The following NPRL3 variants were observed in gnomAD, a reference collection of about 807,000 sequenced individuals.
The protein encoded by NPRL3 is GATOR1 complex protein NPRL3.
A neutral mutation model predicts 57.2 loss-of-function variants in NPRL3; 23 were observed. The ratio of observed to expected loss-of-function variants is 0.40; its 90% CI spans 0.29 to 0.57. The LOEUF is 0.57. Ranked by LOEUF, NPRL3 falls within the 20% of genes least tolerant of loss-of-function variation. The pLI is 0.42. For missense variants in NPRL3, 691 were observed against 767.1 expected (o/e 0.90, Z 1.17); for synonymous variants, 333 against 321.1 (o/e 1.04, Z -0.39).
At chr16:120,050 A>C (rs955327185) in intron 3 of NPRL3, among the ~76,000 whole-genome samples, 1 of 152,074 alleles carries the variant, frequency 6.6e-6, no homozygotes, top group Non-Finnish European at 1.5e-5. Context: ...GATCTGGATA[A>C]GGGAGTGTCA....
intron 2 of NPRL3, among the ~76,000 whole-genome samples, chr16:131,053 G>A (rs1249363537): frequency 1.3e-5 from 2 of 152,234 alleles, no homozygotes; most frequent in Non-Finnish European, 2.9e-5. Flanking sequence ...CAAAAACAGT[G>A]ATAAGGCACG....
At chr16:105,767 T>C (rs1305748231) in intron 7 of NPRL3, among the ~76,000 whole-genome samples, 1 of 152,182 alleles carries the variant, frequency 6.6e-6, no homozygotes, top group Non-Finnish European at 1.5e-5. Flanking sequence ...GTGTAGGGGC[T>C]GTGTTGCAGA....
At chr16:103,966 T>C (rs1170449165) in intron 7 of NPRL3, among the ~76,000 whole-genome samples, 3 of 152,170 alleles carry the variant, frequency 2.0e-5, no homozygotes, top group African/African-American at 4.8e-5. Flanking sequence ...AGTACAAAAT[T>C]AGCTGGGCGT....
Position 117,746 on chromosome 16 carries a change from T to C in NPRL3, c.319-371A>G, listed in dbSNP as rs114696502. On this transcript the variant is annotated intron_variant, in intron 4 of 13. Transcript: ENST00000611875. ...TAAGTATGACGCATACTCAGAACAATTGAGGGACAGGACGATGTTCAGGGA... is the reference window on the plus strand; with the variant it reads ...TAAGTATGACGCATACTCAGAACAACTGAGGGACAGGACGATGTTCAGGGA... Among the ~76,000 whole-genome samples the C allele has an allele frequency of 6.4e-3, 970 of 152,206 alleles. 12 individuals carry two copies. The highest frequency in any genetic ancestry group is 0.021 in the African/African-American group (860 of 41,516).
At chr16:107,605 A>G (rs1235386189) in intron 7 of NPRL3, among the ~76,000 whole-genome samples, 1 of 152,034 alleles carries the variant, frequency 6.6e-6, no homozygotes. Context: ...AAAAAAAAAA[A>G]AAAAAAAGAA....
chr16:95,346 T>TACACACACACACAC (rs1394224081), intron 9 of NPRL3, among the ~76,000 whole-genome samples: 19 of 46,396 alleles, frequency 4.1e-4, no homozygotes, highest in African/African-American at 9.3e-4. Context: ...TATATATATA[T>TACACACACACACAC]ATATACACAC....
At chr16:91,277 G>A (rs969721468) in intron 11 of NPRL3, among the ~76,000 whole-genome samples, 9 of 152,064 alleles carry the variant, frequency 5.9e-5, no homozygotes, top group Admixed American at 2.0e-4. Flanking sequence ...TACTCGGGAG[G>A]GTGAGGCAGG....
intron 7 of NPRL3, among the ~76,000 whole-genome samples, chr16:104,680 C>T (rs947248588): frequency 6.6e-6 from 1 of 152,202 alleles, no homozygotes; most frequent in Non-Finnish European, 1.5e-5. Flanking sequence ...CTGCTTTCTC[C>T]CTCAGAGCAC....
intron 7 of NPRL3, among the ~76,000 whole-genome samples, chr16:100,798 C>A (rs1362757699): frequency 6.8e-6 from 1 of 146,382 alleles, no homozygotes; most frequent in Non-Finnish European, 1.5e-5. Flanking sequence ...CGGTGAAACC[C>A]CGTCTCTACT....
chr16:88,387 C>CAAAAAAAAAA (rs56670370), intron 13 of NPRL3, among the ~76,000 whole-genome samples: 24 of 130,954 alleles, frequency 1.8e-4, no homozygotes, highest in African/African-American at 7.3e-4. Flanking sequence ...GACTCCGTCT[C>CAAAAAAAAAA]AAAAAAAAAA....
At chr16:104,541 C>G (rs1462705575) in intron 7 of NPRL3, among the ~76,000 whole-genome samples, 1 of 152,148 alleles carries the variant, frequency 6.6e-6, no homozygotes, top group Non-Finnish European at 1.5e-5. Flanking sequence ...GTCCTTGGAG[C>G]CGCAGTCATG....
intron 8 of NPRL3, 65 bp from the exon 9 acceptor site, chr16:98,366 G>C (rs977990549): frequency 3.2e-6 from 5 of 1,546,896 alleles, no homozygotes; most frequent in East Asian, 4.6e-5. Context: ...GTATGCACCA[G>C]GTCCTGCACC....
At chr16:100,565 G>A (rs907835476) in intron 7 of NPRL3, 56 bp from the exon 8 acceptor site, 410 of 1,394,368 alleles carry the variant, frequency 2.9e-4, no homozygotes, top group Non-Finnish European at 3.7e-4. Flanking sequence ...CATGCACACA[G>A]ATCAGAAAAC....
intron 11 of NPRL3, chr16:90,187 G>T: frequency 2.4e-6 from 1 of 424,952 alleles, no homozygotes; most frequent in Non-Finnish European, 4.2e-6. Flanking sequence ...AGCAGGACCT[G>T]AGACGTGGAG....
At chr16:98,578 G>T (rs1025324987) in intron 8 of NPRL3, among the ~76,000 whole-genome samples, 1 of 152,212 alleles carries the variant, frequency 6.6e-6, no homozygotes, top group Non-Finnish European at 1.5e-5. Flanking sequence ...GGAGCCTCCT[G>T]GCCCTTAACT....
chr16:138,044 C>T, intron 2 of NPRL3, 106 bp downstream of exon 2: 1 of 777,950 alleles, frequency 1.3e-6, no homozygotes, highest in Non-Finnish European at 2.1e-6. Context: ...GAGCAGATCT[C>T]GAATGCCCAG....
intron 7 of NPRL3, among the ~76,000 whole-genome samples, chr16:108,175 A>G (rs1200029738): frequency 1.3e-5 from 2 of 152,192 alleles, no homozygotes; most frequent in Non-Finnish European, 2.9e-5. Flanking sequence ...TATATCACAA[A>G]AGACAAATCA....
chr16:127,654 A>ATTT (rs555123884), intron 3 of NPRL3, among the ~76,000 whole-genome samples: 1 of 139,928 alleles, frequency 7.1e-6, no homozygotes. Context: ...GAGCAAGTGA[A>ATTT]TTTTTTTTTT....
intron 13 of NPRL3, 93 bp downstream of exon 13, chr16:88,605 G>A (rs1898606310): frequency 8.8e-7 from 1 of 1,141,620 alleles, no homozygotes; most frequent in Admixed American, 2.1e-5. Flanking sequence ...TCTGTTCTCA[G>A]TGGATTTGGT....
Sources: gnomAD v4.1 joint callset for allele counts (sites outside exome capture counted in the v4.1 genomes callset) on GRCh38, gnomAD v4.1.1 for gene constraint, MANE v1.5 for transcripts, NCBI Gene and HGNC (gene_info 2026-07-23, HGNC 2026-07-21) for gene names.